Variants in PTPN11 observed in about 807,000 individuals in gnomAD.
PTPN11 encodes protein tyrosine phosphatase non-receptor type 11.
PTPN11 carries 6 observed loss-of-function variants against 78.8 expected under a neutral mutation model. The ratio of observed to expected loss-of-function variants is 0.08; its 90% confidence interval spans 0.04 to 0.15. The LOEUF is 0.15. Ranked by LOEUF, PTPN11 falls within the 10% of genes least tolerant of loss-of-function variation. The pLI, the probability that PTPN11 is intolerant of heterozygous loss-of-function variation, is 1.00. For synonymous variants in PTPN11, 221 were observed against 263.5 expected, an observed-to-expected ratio of 0.84 and a Z score of 1.56; for missense variants, 386 against 744.8, an observed-to-expected ratio of 0.52 and a Z score of 5.61.
intron 1 of PTPN11, among the ~76,000 whole-genome samples, chr12:112,428,212 A>G (rs1476000983): frequency 6.6e-6 from 1 of 152,148 alleles, no homozygotes; most frequent in Non-Finnish European, 1.5e-5. Flanking sequence ...ATCATTCTGT[A>G]TTAATTGTAA....
Position 112,486,532 on chromosome 12 carries a change from G to C in PTPN11, c.1282G>C (p.Val428Leu), listed in dbSNP as rs397507536. 4 of 1,614,222 alleles carry C rather than the reference G, an allele frequency of 2.5e-6. No homozygotes were observed. The highest frequency in any genetic ancestry group is 3.4e-6 in the Non-Finnish European group (4 of 1,180,034). The stretch of plus-strand genomic sequence containing the variant: ...CTTTCGGACCTGGCCGGACCACGGC[G>C]TGCCCAGCGACCCTGGGGGCGTGCT... ...YHFRTWPDHGVPSDPGGVLDF... is the reference protein window; with the variant it reads ...YHFRTWPDHGLPSDPGGVLDF... Residue 428 changes from valine to leucine, a missense_variant, in exon 11 of 16, where the codon GTG (valine) becomes CTG (leucine). Val to Leu is a conservative substitution (Grantham distance 32). Transcript: ENST00000351677.
chr12:112,488,980 G>A (rs2135915864), intron 12 of PTPN11, 44 bp from the exon 13 acceptor site: 6 of 1,610,842 alleles, frequency 3.7e-6, no homozygotes, highest in Non-Finnish European at 5.1e-6. Flanking sequence ...ACTTCATCCT[G>A]GCTCTGCAGT....
At chr12:112,470,898 A>G (rs1165444311) in intron 6 of PTPN11, among the ~76,000 whole-genome samples, 1 of 152,196 alleles carries the variant, frequency 6.6e-6, no homozygotes, top group African/African-American at 2.4e-5. Context: ...TCTTGCTAAC[A>G]CAGCAGTATT....
At chr12:112,442,868 ATATATATAT>A (rs1566162771) in intron 1 of PTPN11, among the ~76,000 whole-genome samples, 15 of 87,640 alleles carry the variant, frequency 1.7e-4, no homozygotes, top group African/African-American at 4.0e-4. Context: ...ATATATATAT[ATATATATAT>A]AAATTATATA....
Position 112,509,268 on chromosome 12 carries a change from C to T in PTPN11, c.*3476C>T, listed in dbSNP as rs895168559. ...TATCTTTCATCACTAAAAATTTGTT[C>T]CTTTTTCACTATGGGCAGTTCACAC... On this transcript the variant is annotated 3_prime_UTR_variant, in exon 16 of 16. Coordinates refer to ENST00000351677, the MANE Select transcript of PTPN11 (RefSeq NM_002834.5). 1 of 152,246 alleles carries T rather than the reference C, an allele frequency of 6.6e-6. No homozygotes were observed. The highest frequency in any genetic ancestry group is 1.5e-5 in the Non-Finnish European group (1 of 68,034). 9.4% of individuals were successfully genotyped at this position (152,246 alleles called of 1,614,324 possible). A position where few individuals can be genotyped will look rare whatever the true frequency, so the allele number is the denominator to read the frequency against.
chr12:112,465,616 C>T (rs547871327), intron 6 of PTPN11, among the ~76,000 whole-genome samples: 1 of 152,200 alleles, frequency 6.6e-6, no homozygotes, highest in African/African-American at 2.4e-5. Flanking sequence ...TCCTCTAACT[C>T]CCCTCTGTAT....
At chr12:112,461,929 T>G (rs760807208) in intron 6 of PTPN11, among the ~76,000 whole-genome samples, 3 of 152,346 alleles carry the variant, frequency 2.0e-5, no homozygotes, top group Non-Finnish European at 2.9e-5. Context: ...GAAGCCATAA[T>G]AAGATTATTC....
At chr12:112,503,388 G>A (rs2038900471) in intron 14 of PTPN11, among the ~76,000 whole-genome samples, 1 of 152,068 alleles carries the variant, frequency 6.6e-6, no homozygotes, top group Non-Finnish European at 1.5e-5. Flanking sequence ...TCTTCTCTCT[G>A]TTTGCTTTCG....
At chr12:112,485,077 A>G (rs1246345036) in intron 10 of PTPN11, among the ~76,000 whole-genome samples, 2 of 152,044 alleles carry the variant, frequency 1.3e-5, no homozygotes, top group African/African-American at 2.4e-5. Context: ...CCTGGCCAAC[A>G]TGGCGAAACT....
intron 1 of PTPN11, among the ~76,000 whole-genome samples, chr12:112,421,244 T>G (rs1277109024): frequency 2.0e-5 from 3 of 152,242 alleles, no homozygotes; most frequent in African/African-American, 7.2e-5. Context: ...CCAGCCTTAA[T>G]GAGGTATAAA....
chr12:112,479,532 C>T (rs1272411605), intron 9 of PTPN11, among the ~76,000 whole-genome samples: 3 of 152,130 alleles, frequency 2.0e-5, no homozygotes, highest in East Asian at 1.9e-4. Context: ...TTCTGGTCAT[C>T]GTGAAACAAA....
chr12:112,449,154 T>C (rs2038039383), intron 2 of PTPN11, among the ~76,000 whole-genome samples: 4 of 150,314 alleles, frequency 2.7e-5, no homozygotes, highest in Admixed American at 2.0e-4. Flanking sequence ...CCCAAAGTGC[T>C]GGGATTACAG....
At position 112,477,632 on chromosome 12, in the gene PTPN11, T is replaced by A; in HGVS notation, c.854-19T>A. The A allele has an allele frequency of 6.3e-7, 1 of 1,590,712 alleles. No homozygotes were observed. The highest frequency in any genetic ancestry group is 8.6e-7 in the Non-Finnish European group (1 of 1,160,156). On this transcript the variant is annotated intron_variant, in intron 7 of 15. Transcript: ENST00000351677. ...AAGCAGTCCAGGACTTATGTGACCG[T>A]GGTCTCTTTTTCTTCTAGTTGATCA...
rs189989256 is a variant in PTPN11, at chr12:112,502,300, T to G, written c.1712+44T>G. 3.3e-6 allele frequency: 5 copies of G among 1,497,360 alleles called. No individual in the cohort carries two copies. In the Admixed American group the frequency reaches 5.0e-5, roughly 15 times the overall value. The allele number at this position is 1,497,360 out of a possible 1,614,324, so 92.8% of individuals were successfully genotyped here. A position where few individuals can be genotyped will look rare whatever the true frequency, so the allele number is the denominator to read the frequency against. Reference sequence around the variant, plus strand: ...AATTCTTTTTACCTGGTCATGGTGGTTTAAAAAGGTTTAAAAAACAAAAAC... The same window carrying G: ...AATTCTTTTTACCTGGTCATGGTGGGTTAAAAAGGTTTAAAAAACAAAAAC... On this transcript the variant is annotated intron_variant, in intron 14 of 15. Coordinates refer to ENST00000351677, the MANE Select transcript of PTPN11 (RefSeq NM_002834.5).
At chr12:112,456,115 TGGA>T in intron 6 of PTPN11, 52 bp downstream of exon 6, 1 of 1,198,464 alleles carries the variant, frequency 8.3e-7, no homozygotes, top group Non-Finnish European at 1.2e-6. Flanking sequence ...CTATTTTTAG[TGGA>T]GGAGAAGTTG....
chr12:112,434,362 C>T (rs1186129082), intron 1 of PTPN11, among the ~76,000 whole-genome samples: 1 of 152,146 alleles, frequency 6.6e-6, no homozygotes, highest in African/African-American at 2.4e-5. Context: ...GTAATCCCAA[C>T]ACTTCAGGAG....
At chr12:112,503,344 A>G (rs2038899793) in intron 14 of PTPN11, among the ~76,000 whole-genome samples, 1 of 152,232 alleles carries the variant, frequency 6.6e-6, no homozygotes, top group Admixed American at 6.5e-5. Flanking sequence ...GTCACTTGCT[A>G]GTATAACATT....
At chr12:112,450,714 A>G (rs1318244017) in intron 3 of PTPN11, among the ~76,000 whole-genome samples, 4 of 152,206 alleles carry the variant, frequency 2.6e-5, no homozygotes, top group Non-Finnish European at 2.9e-5. Context: ...AGTTTTAATC[A>G]GTGTTACTTA....
rs1284790105 is a variant in PTPN11, at chr12:112,506,689, GTTC to G, written c.*902_*904del. ...AATCTGAGCTGGGCTCAGCTGGGCT[GTTC>G]TTCTGCCAGCCTGCAGGTGGCCACT... On this transcript the variant is annotated 3_prime_UTR_variant, in exon 16 of 16. Transcript: ENST00000351677. The G allele has an allele frequency of 1.3e-5, 2 of 152,322 alleles. No homozygotes were observed. Among genetic ancestry groups the G allele is most frequent in the African/African-American group, 4.8e-5 (2 of 41,470 alleles). The allele number at this position is 152,322 out of a possible 1,614,324, so 9.4% of individuals were successfully genotyped here.
Sources: gnomAD v4.1 joint callset for allele counts (sites outside exome capture counted in the v4.1 genomes callset) on GRCh38, gnomAD v4.1.1 for gene constraint, MANE v1.5 for transcripts, NCBI Gene and HGNC (gene_info 2026-07-23, HGNC 2026-07-21) for gene names.